Variants in CC2D1B observed in about 807,000 individuals in gnomAD.
CC2D1B encodes coiled-coil and C2 domain-containing protein 1B.
CC2D1B carries 92 observed loss-of-function variants against 110.8 expected under a neutral mutation model. That is an observed-to-expected ratio of 0.83 (90% confidence interval 0.70 to 0.99). The LOEUF (loss-of-function observed/expected upper bound fraction) is 0.99. CC2D1B is among the 50% of genes least tolerant of loss of function. CC2D1B has a pLI of 0.00. For synonymous variants in CC2D1B, 406 were observed against 429.2 expected (o/e 0.95, Z 0.67); for missense variants, 1,136 against 1,089.0 (o/e 1.04, Z -0.61).
chr1:52,356,770 T>C, intron 16 of CC2D1B: 1 of 601,088 alleles, frequency 1.7e-6, no homozygotes, highest in Middle Eastern at 4.4e-4. Flanking sequence ...CATCACAATG[T>C]TCTTTCCCTC....
chr1:52,357,658 C>G lies in CC2D1B; in HGVS notation c.1620G>C (p.Gln540His), dbSNP rs760957021. The G allele has an allele frequency of 6.2e-7, 1 of 1,601,662 alleles. No individual in the cohort carries two copies. Among genetic ancestry groups the G allele is most frequent in the East Asian group, 2.2e-5 (1 of 44,554 alleles). The change falls in exon 15 of 25, where the codon CAG becomes CAC. Residue 540 changes from glutamine (Q) to histidine (H), a missense_variant. By Grantham distance (24) the Gln-to-His change is conservative. Coordinates refer to ENST00000284376, the MANE Select transcript of CC2D1B (RefSeq NM_001330585.2). ...TGGCCTGCAGGGCTGCCCGCTGATA[C>G]TGCAGTTTCCGTGCCTCCAGCAGTG... The part of the protein sequence containing the change: ...QLALLEARKL[Q>H]YQRAALQAKR...
In CC2D1B at chr1:52,358,386, G is replaced by A. The variant is rs1407698163; in HGVS notation, c.1406C>T (p.Ala469Val). Residue 469 changes from alanine (A) to valine (V), a missense_variant, in exon 13 of 25, where the codon GCA (alanine) becomes GTA (valine). Coordinates refer to ENST00000284376, the MANE Select transcript of CC2D1B (RefSeq NM_001330585.2). ...ATCCTCTGCAGAGGCCAGTTTCTCT[G>A]CAGCTGCCAATGTCGCTGCCACTGC... Reference protein sequence around the residue: ...EDAVAATLAAAEKLASAEDSA... With the variant: ...EDAVAATLAAVEKLASAEDSA... 6.2e-7 allele frequency: 1 copy of A among 1,614,112 alleles called. No homozygotes were observed. The highest frequency in any genetic ancestry group is 1.3e-5 in the African/African-American group (1 of 75,036).
rs554781608 is a variant in CC2D1B, at chr1:52,353,460, G to GTAGT, written c.*1+54_*1+57dup. On this transcript the variant is annotated intron_variant, in intron 24 of 24. Transcript: ENST00000284376. ...GGTTTTCTCTCCAGATATGAGTTGA[G>GTAGT]TAGTTAGTTGAGTAAAAGGAGGGGG... The GTAGT allele has an allele frequency of 1.1e-4, 177 of 1,559,274 alleles. No individual in the cohort carries two copies. The Admixed American group carries it at 1.3e-3, about 11-fold the overall frequency.
intron 5 of CC2D1B, 172 bp downstream of exon 5, chr1:52,360,802 A>G: frequency 3.2e-6 from 3 of 947,528 alleles, no homozygotes; most frequent in South Asian, 1.6e-5. Flanking sequence ...GAGGCCTTTG[A>G]GGCTGGCTGC....
intron 21 of CC2D1B, 56 bp downstream of exon 21, chr1:52,355,342 C>A: frequency 6.3e-7 from 1 of 1,579,280 alleles, no homozygotes; most frequent in Non-Finnish European, 8.7e-7. Context: ...TCTGGAAACA[C>A]CAGTGCTGCC....
chr1:52,357,179 C>G, intron 15 of CC2D1B, 53 bp from the exon 16 acceptor site: 5 of 1,597,982 alleles, frequency 3.1e-6, no homozygotes, highest in South Asian at 1.1e-5. Flanking sequence ...ACTCCTCTAC[C>G]AAGTCCAACA....
intron 15 of CC2D1B, 112 bp from the exon 16 acceptor site, chr1:52,357,238 G>C: frequency 7.6e-7 from 1 of 1,315,284 alleles, no homozygotes; most frequent in South Asian, 1.3e-5. Flanking sequence ...CTAAAGTCCA[G>C]TGATGACAAC....
intron 2 of CC2D1B, among the ~76,000 whole-genome samples, chr1:52,363,735 C>T (rs936976988): frequency 6.7e-6 from 1 of 149,990 alleles, no homozygotes; most frequent in Non-Finnish European, 1.5e-5. Context: ...GGCTAGAGTG[C>T]AGTGGCACTA....
chr1:52,352,816 G>A lies in CC2D1B; in HGVS notation c.*409C>T, dbSNP rs114370523. On this transcript the variant is annotated 3_prime_UTR_variant, in exon 25 of 25. Coordinates refer to ENST00000284376, the MANE Select transcript of CC2D1B (RefSeq NM_001330585.2). ...ACCACCCTCAGCAGGGGAGGTTCCC[G>A]ATCACCCTCAAGTTCTCCCATCCCA... 1,221 of 158,664 alleles carry A rather than the reference G, an allele frequency of 7.7e-3. 18 individuals are homozygous for A. The highest frequency in any genetic ancestry group is 0.028 in the African/African-American group (1,156 of 41,656). The allele number at this position is 158,664 out of a possible 1,614,324, so 9.8% of individuals were successfully genotyped here. A position where few individuals can be genotyped will look rare whatever the true frequency, so the allele number is the denominator to read the frequency against.
Position 52,361,611 on chromosome 1 carries a change from G to T in CC2D1B, c.220C>A (p.Leu74Met), listed in dbSNP as rs1208332439. ...KKPAPKGQAP[L>M]PMAHIEKLAA... The stretch of plus-strand genomic sequence containing the variant: ...AACTTCTCGATGTGGGCCATGGGCA[G>T]GGGGGCTGGGGGAAAAAGGTCACAA... Residue 74 changes from leucine to methionine, a missense_variant, in exon 4 of 25, where the codon CTG becomes ATG. Coordinates refer to ENST00000284376, the MANE Select transcript of CC2D1B (RefSeq NM_001330585.2). 1.9e-6 allele frequency: 3 copies of T among 1,613,538 alleles called. No individual in the cohort carries two copies. Among genetic ancestry groups the T allele is most frequent in the Non-Finnish European group, 2.5e-6 (3 of 1,179,966 alleles).
rs781739667 is a variant in CC2D1B at position 52,359,891 on chromosome 1, G to C, written c.764-8C>G. On this transcript the variant is annotated splice_region_variant and splice_polypyrimidine_tract_variant and intron_variant, in intron 7 of 24. Coordinates refer to ENST00000284376, the MANE Select transcript of CC2D1B (RefSeq NM_001330585.2). ...CAGGTTGGGAGGGGTTGTCTATAAGGAAACAAACAGTCCCCAGAGAGCACA... is the reference window on the plus strand; with the variant it reads ...CAGGTTGGGAGGGGTTGTCTATAAGCAAACAAACAGTCCCCAGAGAGCACA... 20 of 1,608,504 alleles carry C rather than the reference G, an allele frequency of 1.2e-5. No individual in the cohort carries two copies. Among genetic ancestry groups the C allele is most frequent in the Non-Finnish European group, 1.6e-5 (19 of 1,177,508 alleles).
chr1:52,354,265 G>A (rs1006587110), intron 23 of CC2D1B: 15 of 466,342 alleles, frequency 3.2e-5, no homozygotes, highest in Middle Eastern at 1.3e-3. Context: ...GGAGCTGGTC[G>A]TAGCTCTGCC....
In CC2D1B at chr1:52,360,176, T is replaced by A. The variant is rs769729153; in HGVS notation, c.661A>T (p.Ile221Phe). The part of the protein sequence containing the change: ...RRGRKINEDE[I>F]PPPVALGKRP... The stretch of plus-strand genomic sequence containing the variant: ...TTTCCTAAGGCCACTGGAGGTGGGA[T>A]CTCATCCTCATTGATCTTTCTGCCT... The change falls in exon 7 of 25, where the codon ATC becomes TTC. Residue 221 changes from isoleucine (I) to phenylalanine (F), a missense_variant. By Grantham distance (21) the Ile-to-Phe change is conservative (BLOSUM62 0). Transcript: ENST00000284376. 6.2e-7 allele frequency: 1 copy of A among 1,613,906 alleles called. No homozygotes were observed. Among genetic ancestry groups the A allele is most frequent in the Non-Finnish European group, 8.5e-7 (1 of 1,179,936 alleles).
chr1:52,359,590 G>C lies in CC2D1B; in HGVS notation c.943-56C>G. ...AAAGACAGGGGACCCCAAGAGCCTG[G>C]GCTGAAACAACCCCCACTTAGGCCA... On this transcript the variant is annotated intron_variant, in intron 8 of 24. Coordinates refer to ENST00000284376, the MANE Select transcript of CC2D1B (RefSeq NM_001330585.2). 7.5e-6 allele frequency: 12 copies of C among 1,591,030 alleles called. No homozygotes were observed. The South Asian group carries it at 1.0e-4, about 13-fold the overall frequency.
rs375520962 is a variant in CC2D1B, at chr1:52,355,280, C to T, written c.2239+118G>A. On this transcript the variant is annotated intron_variant, in intron 21 of 24. Coordinates refer to ENST00000284376, the MANE Select transcript of CC2D1B (RefSeq NM_001330585.2). ...CTACAGAAGAAGCATGTTAACAGCACCTTTATCTCCCAAGTGGGGTGGATC... is the reference window on the plus strand; with the variant it reads ...CTACAGAAGAAGCATGTTAACAGCATCTTTATCTCCCAAGTGGGGTGGATC... 18 of 1,064,446 alleles carry T rather than the reference C, an allele frequency of 1.7e-5. No homozygotes were observed. The African/African-American group carries it at 1.9e-4, about 11-fold the overall frequency. The allele number at this position is 1,064,446 out of a possible 1,614,324, so 65.9% of individuals were successfully genotyped here.
intron 11 of CC2D1B, 80 bp downstream of exon 11, chr1:52,358,947 T>C: frequency 6.4e-7 from 1 of 1,566,824 alleles, no homozygotes; most frequent in Non-Finnish European, 8.7e-7. Context: ...AGACAAGGAC[T>C]AGCCGGAGGA....
In CC2D1B at chr1:52,353,054, CCAA is replaced by C. The variant is rs1417902805; in HGVS notation, c.*168_*170del. On this transcript the variant is annotated 3_prime_UTR_variant, in exon 25 of 25. Transcript: ENST00000284376. ...CTGTTTCTGTAGAGCCCCAGAGGGGCCAACAACAGGAAAGACCAGAGTCGTGGT... is the reference window on the plus strand; with the variant it reads ...CTGTTTCTGTAGAGCCCCAGAGGGGCCAACAGGAAAGACCAGAGTCGTGGT... 3.4e-6 allele frequency: 2 copies of C among 595,348 alleles called. No homozygotes were observed. Among genetic ancestry groups the C allele is most frequent in the South Asian group, 3.3e-5 (2 of 60,170 alleles). 36.9% of individuals were successfully genotyped at this position (595,348 alleles called of 1,614,324 possible). A position where few individuals can be genotyped will look rare whatever the true frequency, so the allele number is the denominator to read the frequency against.
intron 3 of CC2D1B, among the ~76,000 whole-genome samples, chr1:52,361,863 G>C (rs956072400): frequency 4.6e-5 from 7 of 152,152 alleles, no homozygotes; most frequent in African/African-American, 1.7e-4. Context: ...GCCTGACATA[G>C]ACATGGCCAT....
At position 52,361,608 on chromosome 1, in the gene CC2D1B, G is replaced by A. The variant is rs1351040851; in HGVS notation, c.223C>T (p.Pro75Ser). Residue 75 changes from proline (P) to serine (S), a missense_variant, in exon 4 of 25, where the codon CCC (proline) becomes TCC (serine). Pro to Ser is a moderately conservative substitution (Grantham distance 74, BLOSUM62 -1). Coordinates refer to ENST00000284376, the MANE Select transcript of CC2D1B (RefSeq NM_001330585.2). The part of the protein sequence containing the change: ...KPAPKGQAPL[P>S]MAHIEKLAAD... ...GCCAACTTCTCGATGTGGGCCATGG[G>A]CAGGGGGGCTGGGGGAAAAAGGTCA... The A allele has an allele frequency of 6.2e-7, 1 of 1,613,790 alleles. No individual in the cohort carries two copies. The highest frequency in any genetic ancestry group is 2.2e-5 in the East Asian group (1 of 44,890).
Sources: allele counts gnomAD v4.1 joint callset (sites outside exome capture counted in the v4.1 genomes callset), GRCh38; gene constraint gnomAD v4.1.1; transcripts MANE v1.5; gene names NCBI Gene and HGNC (gene_info 2026-07-23, HGNC 2026-07-21).